Variants in PHKB observed in about 807,000 individuals in gnomAD.
The protein encoded by PHKB is phosphorylase b kinase regulatory subunit beta.
In PHKB, 122 loss-of-function variants were observed where a neutral mutation model predicts 152.1. That is an observed-to-expected ratio of 0.80 (90% CI 0.69 to 0.93). PHKB has a LOEUF of 0.93. PHKB is among the 40% of genes least tolerant of loss of function. The pLI is 0.00. For synonymous variants in PHKB, 436 were observed against 464.9 expected, an observed-to-expected ratio of 0.94 and a Z score of 0.80; for missense variants, 1,304 against 1,328.4, an observed-to-expected ratio of 0.98 and a Z score of 0.29.
Position 47,701,097 on chromosome 16 carries a change from A to G in PHKB, c.*1731A>G, listed in dbSNP as rs542210564. The G allele has an allele frequency of 6.6e-6, 1 of 152,282 alleles. No homozygotes were observed. Among genetic ancestry groups the G allele is most frequent in the Non-Finnish European group, 1.5e-5 (1 of 68,016 alleles). 9.4% of individuals were successfully genotyped at this position (152,282 alleles called of 1,614,324 possible). A position where few individuals can be genotyped will look rare whatever the true frequency, so the allele number is the denominator to read the frequency against. On this transcript the variant is annotated 3_prime_UTR_variant, in exon 31 of 31. Transcript: ENST00000323584. The stretch of plus-strand genomic sequence containing the variant: ...GTCGTGAAGGGTGAAGCTAATTTGT[A>G]AAACTAATGCCTGAAAAAAACGTAA...
At position 47,486,253 on chromosome 16, in the gene PHKB, C is replaced by T. The variant is rs10459879; in HGVS notation, c.77-11146C>T. 0.01 allele frequency among the ~76,000 whole-genome samples: 1,543 copies of T among 152,246 alleles called. 76 individuals are homozygous for T. The East Asian group carries it at 0.17, about 16-fold the overall frequency. The stretch of plus-strand genomic sequence containing the variant: ...AGAAGGCCTCCCCGATAATGTGGAT[C>T]ACTCAGTTCAGTTCATAAATATTTA... On this transcript the variant is annotated intron_variant, in intron 1 of 30. Transcript: ENST00000323584.
At chr16:47,479,293 A>C (rs1969924022) in intron 1 of PHKB, among the ~76,000 whole-genome samples, 1 of 152,186 alleles carries the variant, frequency 6.6e-6, no homozygotes. Flanking sequence ...TTTGATGAAC[A>C]AGATGTTAGT....
At chr16:47,586,964 TA>T (rs952086497) in intron 8 of PHKB, among the ~76,000 whole-genome samples, 4 of 152,104 alleles carry the variant, frequency 2.6e-5, no homozygotes, top group African/African-American at 7.2e-5. Flanking sequence ...GGGAATTGTA[TA>T]AAAAATATAT....
chr16:47,515,518 C>T lies in PHKB; in HGVS notation c.514-3C>T. The stretch of plus-strand genomic sequence containing the variant: ...AACCTTTTAATGTTTCTGTTTGTTG[C>T]AGATAAATGCAGTGTCACTTTATCT... On this transcript the variant is annotated splice_polypyrimidine_tract_variant and splice_region_variant and intron_variant, in intron 5 of 30. Transcript: ENST00000323584. The T allele has an allele frequency of 7.5e-7, 1 of 1,326,588 alleles. No individual in the cohort carries two copies. The highest frequency in any genetic ancestry group is 1.1e-6 in the Non-Finnish European group (1 of 918,330). 82.2% of individuals were successfully genotyped at this position (1,326,588 alleles called of 1,614,324 possible).
intron 3 of PHKB, among the ~76,000 whole-genome samples, chr16:47,502,261 T>C (rs1190412100): frequency 7.9e-5 from 12 of 152,156 alleles, no homozygotes; most frequent in Non-Finnish European, 2.9e-5. Context: ...AAGTTACTGA[T>C]TTATAATAAA....
chr16:47,511,665 G>A lies in PHKB; in HGVS notation c.406G>A (p.Val136Ile), dbSNP rs745316766. 6.3e-7 allele frequency: 1 copy of A among 1,592,078 alleles called. No individual in the cohort carries two copies. Among genetic ancestry groups the A allele is most frequent in the East Asian group, 2.2e-5 (1 of 44,764 alleles). The change falls in exon 5 of 31, where the codon GTC becomes ATC. Residue 136 changes from valine to isoleucine, a missense_variant and splice_region_variant. Transcript: ENST00000323584. ...TGTTTAATTTTATATTTCATTCTAG[G>A]TCCAGCAGTTTAAGCAGGATCCACG... ...LYCYMRQADK[V>I]QQFKQDPRPT...
intron 20 of PHKB, among the ~76,000 whole-genome samples, chr16:47,656,931 G>A (rs1028505941): frequency 6.6e-6 from 1 of 152,074 alleles, no homozygotes; most frequent in East Asian, 1.9e-4. Context: ...ATCTCTAAAT[G>A]TAATTGGAGA....
chr16:47,499,519 G>A (rs1970288290), intron 2 of PHKB, among the ~76,000 whole-genome samples: 1 of 152,142 alleles, frequency 6.6e-6, no homozygotes, highest in Non-Finnish European at 1.5e-5. Flanking sequence ...GGCTTTTTAA[G>A]TCCTAATTAG....
intron 13 of PHKB, among the ~76,000 whole-genome samples, chr16:47,607,745 G>A (rs1972352388): frequency 6.6e-6 from 1 of 152,124 alleles, no homozygotes. Flanking sequence ...AACATTTTGA[G>A]CAACTTCCAG....
intron 7 of PHKB, among the ~76,000 whole-genome samples, chr16:47,552,165 C>G (rs1370130977): frequency 6.6e-6 from 1 of 152,162 alleles, no homozygotes; most frequent in Non-Finnish European, 1.5e-5. Context: ...TACTCTTTAT[C>G]CAGTTTTCCA....
intron 2 of PHKB, among the ~76,000 whole-genome samples, chr16:47,498,041 G>T (rs1021529226): frequency 6.6e-6 from 1 of 152,250 alleles, no homozygotes; most frequent in Admixed American, 6.5e-5. Flanking sequence ...TTGTTTGTCA[G>T]ACCATCTATT....
intron 26 of PHKB, among the ~76,000 whole-genome samples, chr16:47,673,202 T>C (rs1207661435): frequency 6.6e-6 from 1 of 152,058 alleles, no homozygotes; most frequent in Non-Finnish European, 1.5e-5. Context: ...CTAAATCTTG[T>C]ATTACTTCCC....
At chr16:47,627,080 G>A (rs1426960674) in intron 14 of PHKB, among the ~76,000 whole-genome samples, 1 of 152,188 alleles carries the variant, frequency 6.6e-6, no homozygotes, top group African/African-American at 2.4e-5. Context: ...CACCTGAGGT[G>A]TTTCTAAATG....
intron 6 of PHKB, among the ~76,000 whole-genome samples, chr16:47,523,133 T>TG (rs1390681324): frequency 6.6e-6 from 1 of 152,168 alleles, no homozygotes; most frequent in Non-Finnish European, 1.5e-5. Flanking sequence ...GTGTTTGGAC[T>TG]TTATCAGGGA....
intron 6 of PHKB, among the ~76,000 whole-genome samples, chr16:47,523,802 A>C (rs1166823978): frequency 1.3e-5 from 2 of 152,230 alleles, no homozygotes; most frequent in Non-Finnish European, 2.9e-5. Context: ...ATTTGCATCT[A>C]TGTGAGCTCT....
chr16:47,599,068 G>C, intron 13 of PHKB: 2 of 591,554 alleles, frequency 3.4e-6, no homozygotes, highest in South Asian at 4.3e-5. Context: ...AGTTGGGAAG[G>C]TTATCTCTGG....
intron 7 of PHKB, among the ~76,000 whole-genome samples, chr16:47,571,073 A>G (rs1304278427): frequency 6.6e-6 from 1 of 151,996 alleles, no homozygotes; most frequent in Admixed American, 6.6e-5. Flanking sequence ...GTTATAGAGA[A>G]TCTGTGTGTG....
At chr16:47,612,163 A>G (rs929262736) in intron 14 of PHKB, among the ~76,000 whole-genome samples, 1 of 152,268 alleles carries the variant, frequency 6.6e-6, no homozygotes, top group Non-Finnish European at 1.5e-5. Flanking sequence ...GGCAAAATAG[A>G]GAATTCATCC....
At position 47,477,570 on chromosome 16, in the gene PHKB, G is replaced by A. The variant is rs369180628; in HGVS notation, c.76+16144G>A. Among the ~76,000 whole-genome samples the A allele has an allele frequency of 2.6e-5, 4 of 151,988 alleles. No individual in the cohort carries two copies. The East Asian group carries it at 5.8e-4, about 22-fold the overall frequency. ...GTCTTCTACTGGTCAAGTCCGAAAAGTTTCAAAATTCAGACTCATAAAATA... is the reference window on the plus strand; with the variant it reads ...GTCTTCTACTGGTCAAGTCCGAAAAATTTCAAAATTCAGACTCATAAAATA... On this transcript the variant is annotated intron_variant, in intron 1 of 30. Coordinates refer to ENST00000323584, the MANE Select transcript of PHKB (RefSeq NM_000293.3).
Sources: allele counts gnomAD v4.1 joint callset (sites outside exome capture counted in the v4.1 genomes callset), GRCh38; gene constraint gnomAD v4.1.1; transcripts MANE v1.5; gene names NCBI Gene and HGNC (gene_info 2026-07-23, HGNC 2026-07-21).